The following GALNT17 variants were observed in gnomAD, a reference collection of about 807,000 sequenced individuals.
GALNT17 encodes UDP-GalNAc:polypeptide N-acetylgalactosaminyltransferase-like 3.
Under a neutral mutation model 63.7 loss-of-function variants are expected in GALNT17, and 29 were observed. The observed-to-expected ratio is 0.46, with a 90% CI of 0.34 to 0.62. The LOEUF (loss-of-function observed/expected upper bound fraction) is 0.62, where lower values mean the gene tolerates loss of function less well. Among genes scored for constraint, GALNT17 ranks in the 20% least tolerant of loss-of-function variants. The pLI, the probability that GALNT17 is intolerant of heterozygous loss-of-function variation, is 0.01. For missense variants in GALNT17, 603 were observed against 799.6 expected, an observed-to-expected ratio of 0.75 and a Z score of 2.97; for synonymous variants, 305 against 318.3, an observed-to-expected ratio of 0.96 and a Z score of 0.45.
At chr7:71,554,801 TTC>T (rs1392722312) in intron 5 of GALNT17, among the ~76,000 whole-genome samples, 2 of 152,254 alleles carry the variant, frequency 1.3e-5, no homozygotes, top group African/African-American at 2.4e-5. Context: ...AGGAGAGACC[TTC>T]TCTTATGTCT....
chr7:71,151,664 C>A (rs903946510), intron 1 of GALNT17, among the ~76,000 whole-genome samples: 3 of 151,154 alleles, frequency 2.0e-5, no homozygotes, highest in African/African-American at 7.3e-5. Context: ...AGCCTTGTTT[C>A]TCAGTGTTAC....
chr7:71,682,293 C>T (rs990404692), intron 9 of GALNT17, among the ~76,000 whole-genome samples: 4 of 150,314 alleles, frequency 2.7e-5, no homozygotes, highest in Non-Finnish European at 2.9e-5. Context: ...GATGTGAAGG[C>T]GGCAGTGTCT....
intron 5 of GALNT17, among the ~76,000 whole-genome samples, chr7:71,538,374 T>G (rs541052591): frequency 1.4e-4 from 21 of 152,208 alleles, no homozygotes; most frequent in South Asian, 6.2e-4. Flanking sequence ...CAGCGGCACG[T>G]GGACGCAACA....
intron 5 of GALNT17, among the ~76,000 whole-genome samples, chr7:71,548,088 T>TA (rs1412440595): frequency 4.6e-5 from 7 of 151,128 alleles, no homozygotes; most frequent in East Asian, 1.9e-4. Context: ...TTTTTTTTTT[T>TA]AAAAATTAGC....
intron 1 of GALNT17, among the ~76,000 whole-genome samples, chr7:71,224,779 C>T (rs1353072385): frequency 1.3e-5 from 2 of 152,068 alleles, no homozygotes; most frequent in Non-Finnish European, 2.9e-5. Flanking sequence ...TATGAGAGCC[C>T]CAGGTGGAGC....
intron 5 of GALNT17, among the ~76,000 whole-genome samples, chr7:71,433,569 A>G (rs1786906478): frequency 6.6e-6 from 1 of 152,236 alleles, no homozygotes; most frequent in African/African-American, 2.4e-5. Flanking sequence ...TCCTTCAACA[A>G]GATGAAGACA....
chr7:71,592,442 C>T (rs1789816199), intron 6 of GALNT17, among the ~76,000 whole-genome samples: 1 of 151,170 alleles, frequency 6.6e-6, no homozygotes, highest in African/African-American at 2.4e-5. Context: ...TTGCAGTGAG[C>T]TGAGATCGTG....
chr7:71,435,535 G>A (rs536825937), intron 5 of GALNT17, among the ~76,000 whole-genome samples: 2 of 152,196 alleles, frequency 1.3e-5, no homozygotes, highest in East Asian at 3.9e-4. Context: ...GAGATATTTT[G>A]CAGACCCTGC....
At chr7:71,515,565 CT>C (rs1484860391) in intron 5 of GALNT17, among the ~76,000 whole-genome samples, 1 of 152,114 alleles carries the variant, frequency 6.6e-6, no homozygotes, top group Non-Finnish European at 1.5e-5. Context: ...TGATTAGACC[CT>C]GGATAGCACC....
rs963223305 is a variant in GALNT17, at chr7:71,231,410, A to G, written c.238+98370A>G. 3.3e-5 allele frequency among the ~76,000 whole-genome samples: 5 copies of G among 152,228 alleles called. No individual in the cohort carries two copies. The South Asian group carries it at 1.0e-3, about 32-fold the overall frequency. ...ATGGCAGGCGATTTGGATACAGGTA[A>G]TCTGCAAACTGCACCTGGAGAAGTG... is the stretch of plus-strand genomic sequence containing the variant. On this transcript the variant is annotated intron_variant, in intron 1 of 10. Transcript: ENST00000333538.
rs146518834 is a variant in GALNT17 at position 71,447,895 on chromosome 7, G to A, written c.962+26790G>A. On this transcript the variant is annotated intron_variant, in intron 5 of 10. Transcript: ENST00000333538. ...TATTTTCATGAAGAGAGCTCCCCAG[G>A]GTGCTATGGCCTCATCCATCAGGAC... Among the ~76,000 whole-genome samples the A allele has an allele frequency of 1.0e-3, 152 of 152,176 alleles. 1 individual carries two copies. Among genetic ancestry groups the A allele is most frequent in the African/African-American group, 3.3e-3 (139 of 41,518 alleles).
At chr7:71,555,026 G>T (rs1476373630) in intron 5 of GALNT17, among the ~76,000 whole-genome samples, 1 of 152,168 alleles carries the variant, frequency 6.6e-6, no homozygotes, top group East Asian at 1.9e-4. Flanking sequence ...AGTCATAGTG[G>T]AAGGGGAAGG....
intron 7 of GALNT17, among the ~76,000 whole-genome samples, chr7:71,668,415 C>G (rs1267263222): frequency 7.0e-6 from 1 of 142,768 alleles, no homozygotes; most frequent in Non-Finnish European, 1.5e-5. Flanking sequence ...ACTCGGGAGG[C>G]TGAAGCAGGA....
intron 1 of GALNT17, among the ~76,000 whole-genome samples, chr7:71,173,816 C>T (rs1221035746): frequency 6.6e-6 from 1 of 152,098 alleles, no homozygotes; most frequent in African/African-American, 2.4e-5. Flanking sequence ...GTAAGCCACT[C>T]AAGCTCAGGG....
At chr7:71,376,224 C>A (rs1334847541) in intron 2 of GALNT17, among the ~76,000 whole-genome samples, 1 of 151,982 alleles carries the variant, frequency 6.6e-6, no homozygotes, top group Non-Finnish European at 1.5e-5. Context: ...TCAGGGTTGT[C>A]CCCTCGTTTG....
intron 1 of GALNT17, among the ~76,000 whole-genome samples, chr7:71,230,479 C>G (rs144874912): frequency 6.6e-6 from 1 of 152,074 alleles, no homozygotes; most frequent in African/African-American, 2.4e-5. Context: ...TTCTTTTCCA[C>G]GCACACCCCC....
At chr7:71,136,281 C>T (rs1400687686) in intron 1 of GALNT17, among the ~76,000 whole-genome samples, 1 of 152,090 alleles carries the variant, frequency 6.6e-6, no homozygotes, top group Admixed American at 6.5e-5. Flanking sequence ...GAGAAGGAAA[C>T]CTTGACCTTA....
At chr7:71,311,476 T>TA (rs1316850002) in intron 1 of GALNT17, among the ~76,000 whole-genome samples, 1 of 152,084 alleles carries the variant, frequency 6.6e-6, no homozygotes, top group Non-Finnish European at 1.5e-5. Flanking sequence ...CTACAAAAAA[T>TA]AAAAAATAAA....
At chr7:71,375,175 G>A (rs944545269) in intron 2 of GALNT17, among the ~76,000 whole-genome samples, 1 of 152,158 alleles carries the variant, frequency 6.6e-6, no homozygotes, top group Non-Finnish European at 1.5e-5. Context: ...AATAATGAAA[G>A]TAACACAAGG....
Sources: allele counts gnomAD v4.1 joint callset (sites outside exome capture counted in the v4.1 genomes callset), GRCh38; gene constraint gnomAD v4.1.1; transcripts MANE v1.5; gene names NCBI Gene and HGNC (gene_info 2026-07-23, HGNC 2026-07-21).